MAP4: variants seen among roughly 807,000 people sequenced by gnomAD.
MAP4 encodes microtubule associated protein 4.
A neutral mutation model predicts 170.2 loss-of-function variants in MAP4; 76 were observed. That is an observed-to-expected ratio of 0.45 (90% CI 0.37 to 0.54). MAP4 has a LOEUF of 0.54. Among genes scored for constraint, MAP4 ranks in the 20% least tolerant of loss-of-function variants. MAP4 has a pLI of 0.00. For missense variants in MAP4, 2,506 were observed against 2,748.0 expected (o/e 0.91, Z 1.97); for synonymous variants, 909 against 994.5 (o/e 0.91, Z 1.62).
intron 10 of MAP4, among the ~76,000 whole-genome samples, chr3:47,901,388 T>C (rs1470739956): frequency 6.6e-6 from 1 of 152,220 alleles, no homozygotes; most frequent in Non-Finnish European, 1.5e-5. Flanking sequence ...CAAATCATGC[T>C]GTGTGTCCGC....
chr3:47,927,402 G>T (rs1482898616), intron 4 of MAP4, among the ~76,000 whole-genome samples: 1 of 152,104 alleles, frequency 6.6e-6, no homozygotes, highest in Non-Finnish European at 1.5e-5. Flanking sequence ...TTCCTTTAAG[G>T]CTCTTTTGGA....
chr3:48,053,521 T>C (rs1443942890), intron 1 of MAP4, among the ~76,000 whole-genome samples: 6 of 152,202 alleles, frequency 3.9e-5, no homozygotes, highest in Non-Finnish European at 7.4e-5. Flanking sequence ...TAAAGCCACA[T>C]GAACACTTTT....
At chr3:47,995,806 C>T (rs1287674224) in intron 2 of MAP4, among the ~76,000 whole-genome samples, 1 of 152,066 alleles carries the variant, frequency 6.6e-6, no homozygotes, top group African/African-American at 2.4e-5. Context: ...ACAAGCCCCT[C>T]CAGGAAATAT....
intron 3 of MAP4, chr3:47,961,214 C>G (rs1458369270): frequency 6.6e-6 from 1 of 152,312 alleles, no homozygotes; most frequent in Non-Finnish European, 1.5e-5. Flanking sequence ...TGATAAACAG[C>G]CAGCAGGCCA....
At chr3:47,891,259 C>T in intron 10 of MAP4, 1 of 1,536,324 alleles carries the variant, frequency 6.5e-7, no homozygotes, top group Non-Finnish European at 8.7e-7. Context: ...TGCCGAGTTC[C>T]TTCTTCCCAG....
intron 1 of MAP4, among the ~76,000 whole-genome samples, chr3:48,029,759 G>T (rs1379585638): frequency 6.6e-6 from 1 of 151,994 alleles, no homozygotes; most frequent in Non-Finnish European, 1.5e-5. Flanking sequence ...CAGCACTTTG[G>T]GAGGCCGAGG....
At chr3:48,038,176 G>GAAAAAAAAAAAAAAAAAAAAAA (rs397786308) in intron 1 of MAP4, among the ~76,000 whole-genome samples, 1 of 118,862 alleles carries the variant, frequency 8.4e-6, no homozygotes. Context: ...TCCAAAAAAA[G>GAAAAAAAAAAAAAAAAAAAAAA]AAAAAAAAAA....
At chr3:48,055,177 TC>T (rs1467863421) in intron 1 of MAP4, among the ~76,000 whole-genome samples, 1 of 35,426 alleles carries the variant, frequency 2.8e-5, no homozygotes, top group African/African-American at 6.3e-5. Flanking sequence ...CTTTAAAAAG[TC>T]TCCCTCTCCC....
chr3:47,973,197 C>T (rs1289488311), intron 3 of MAP4: 12 of 980,626 alleles, frequency 1.2e-5, no homozygotes, highest in Non-Finnish European at 1.5e-5. Flanking sequence ...CTTAGGTATA[C>T]GAATGAAATT....
intron 1 of MAP4, among the ~76,000 whole-genome samples, chr3:48,047,404 C>G (rs2100125158): frequency 6.6e-6 from 1 of 151,818 alleles, no homozygotes; most frequent in African/African-American, 2.4e-5. Flanking sequence ...AACAATTTAG[C>G]CTAAAGCCAT....
intron 2 of MAP4, among the ~76,000 whole-genome samples, chr3:47,984,943 TG>T (rs1468117596): frequency 1.3e-5 from 2 of 150,544 alleles, no homozygotes; most frequent in African/African-American, 4.9e-5. Context: ...CCCTCCAGAC[TG>T]GGAGACAAAG....
chr3:47,978,724 GAGGACTCC>G (rs760783164), intron 2 of MAP4, among the ~76,000 whole-genome samples: 99 of 151,200 alleles, frequency 6.5e-4, no homozygotes, highest in Non-Finnish European at 1.3e-3. Flanking sequence ...TCTGGAAGCA[GAGGACTCC>G]TTTTTTTTTT....
chr3:47,997,585 C>T (rs1356279715), intron 2 of MAP4, among the ~76,000 whole-genome samples: 1 of 150,620 alleles, frequency 6.6e-6, no homozygotes, highest in Non-Finnish European at 1.5e-5. Context: ...CTTAAGTAAA[C>T]AGAAGAAAGG....
Position 47,977,868 on chromosome 3 carries a change from T to TA in MAP4, c.288dup (p.Thr97TyrfsTer6). 1 of 1,609,268 alleles carries TA rather than the reference T, an allele frequency of 6.2e-7. No homozygotes were observed. Among genetic ancestry groups the TA allele is most frequent in the Non-Finnish European group, 8.5e-7 (1 of 1,175,892 alleles). ...GGGAATCCTGGGAATCACTTACCTG[T>TA]AGTATCGCTCCCTTCTACTCCATGA... is the stretch of plus-strand genomic sequence containing the variant. On this transcript the variant is annotated frameshift_variant, in exon 3 of 21. Transcript: ENST00000683076. LOFTEE classifies it high-confidence loss of function.
At chr3:47,894,527 G>A (rs1035505167) in intron 10 of MAP4, among the ~76,000 whole-genome samples, 19 of 152,174 alleles carry the variant, frequency 1.2e-4, no homozygotes, top group African/African-American at 4.3e-4. Flanking sequence ...AGCTTGCAGT[G>A]AGCTGAGATC....
At position 48,066,586 on chromosome 3, in the gene MAP4, C is replaced by T. The variant is rs189183919; in HGVS notation, c.-20+22187G>A. On this transcript the variant is annotated intron_variant, in intron 1 of 18. Coordinates refer to the MAP4 transcript ENST00000360240. The stretch of plus-strand genomic sequence containing the variant: ...TCCGCTCACTGCAACCTCTGCTACC[C>T]GGGTTCAAGTGATTCTCGTGCCTGA... Among the ~76,000 whole-genome samples, 112 of 152,072 alleles carry T rather than the reference C, an allele frequency of 7.4e-4. 1 individual carries two copies. The highest frequency in any genetic ancestry group is 2.7e-3 in the African/African-American group (110 of 41,474).
At chr3:47,933,561 C>T (rs1313079183) in intron 3 of MAP4, among the ~76,000 whole-genome samples, 1 of 151,550 alleles carries the variant, frequency 6.6e-6, no homozygotes, top group Non-Finnish European at 1.5e-5. Context: ...CCTCAGCCTG[C>T]CAAGTAGCTG....
In MAP4 at chr3:47,957,961, C is replaced by T. The variant is rs112745835; in HGVS notation, c.292+19904G>A. 6.7e-3 allele frequency among the ~76,000 whole-genome samples: 1,025 copies of T among 152,318 alleles called. 3 individuals are homozygous for T. The highest frequency in any genetic ancestry group is 9.8e-3 in the Non-Finnish European group (665 of 68,026). On this transcript the variant is annotated intron_variant, in intron 3 of 20. Transcript: ENST00000683076. ...TTTCACTCCTAACAACTGAGTTCTG[C>T]TGGCTTGGAAGTGCTAGTCCCTAAG...
chr3:47,919,252 A>G (rs1363787942), intron 5 of MAP4, among the ~76,000 whole-genome samples: 1 of 151,326 alleles, frequency 6.6e-6, no homozygotes, highest in Non-Finnish European at 1.5e-5. Flanking sequence ...TGATATTTAA[A>G]ATCAGCTGCA....
Sources: gnomAD v4.1 joint callset for allele counts (sites outside exome capture counted in the v4.1 genomes callset) on GRCh38, gnomAD v4.1.1 for gene constraint, MANE v1.5 for transcripts, NCBI Gene and HGNC (gene_info 2026-07-23, HGNC 2026-07-21) for gene names.